The following PLCE1 variants were observed in gnomAD, a reference collection of about 807,000 sequenced individuals.
The protein encoded by PLCE1 is 1-phosphatidylinositol 4,5-bisphosphate phosphodiesterase epsilon-1.
Under a neutral mutation model 242.8 loss-of-function variants are expected in PLCE1, and 119 were observed. The observed-to-expected ratio is 0.49, with a 90% CI of 0.42 to 0.57. The LOEUF (loss-of-function observed/expected upper bound fraction) is 0.57. Ranked by LOEUF, PLCE1 falls within the 20% of genes least tolerant of loss-of-function variation. PLCE1 has a pLI of 0.00. For missense variants in PLCE1, 2,441 were observed against 2,788.8 expected, an observed-to-expected ratio of 0.88 and a Z score of 2.81; for synonymous variants, 945 against 1,017.4, an observed-to-expected ratio of 0.93 and a Z score of 1.35.
At chr10:94,119,676 G>A (rs961447506) in intron 2 of PLCE1, among the ~76,000 whole-genome samples, 4 of 152,074 alleles carry the variant, frequency 2.6e-5, no homozygotes, top group African/African-American at 4.8e-5. Context: ...CCTCCTCTGT[G>A]TATCTGAAAC....
chr10:94,311,573 C>T (rs745892659), intron 27 of PLCE1, among the ~76,000 whole-genome samples: 1 of 152,210 alleles, frequency 6.6e-6, no homozygotes, highest in Non-Finnish European at 1.5e-5. Flanking sequence ...AACTGTAGAT[C>T]ATCCTGGCCT....
At chr10:94,219,385 C>T (rs916824879) in intron 4 of PLCE1, among the ~76,000 whole-genome samples, 8 of 152,164 alleles carry the variant, frequency 5.3e-5, no homozygotes, top group African/African-American at 1.7e-4. Context: ...AATCTATCTT[C>T]ATCTTTTCTT....
intron 7 of PLCE1, among the ~76,000 whole-genome samples, chr10:94,236,781 A>G (rs1447860537): frequency 2.0e-5 from 3 of 152,236 alleles, no homozygotes; most frequent in African/African-American, 7.2e-5. Flanking sequence ...CAATCTATAT[A>G]TAGAGAGAAG....
At chr10:94,228,432 C>T (rs894153035) in intron 5 of PLCE1, among the ~76,000 whole-genome samples, 2 of 152,152 alleles carry the variant, frequency 1.3e-5, no homozygotes, top group African/African-American at 2.4e-5. Context: ...GGGGATAATA[C>T]TAAAAAGCAC....
chr10:94,285,304 A>G (rs2052399573), intron 22 of PLCE1, among the ~76,000 whole-genome samples: 1 of 152,314 alleles, frequency 6.6e-6, no homozygotes, highest in South Asian at 2.1e-4. Context: ...TACCGTTCAT[A>G]ATGATTCTAC....
chr10:94,284,283 A>C (rs1174541578), intron 21 of PLCE1, among the ~76,000 whole-genome samples: 1 of 152,222 alleles, frequency 6.6e-6, no homozygotes, highest in Non-Finnish European at 1.5e-5. Context: ...CAGAAGGAAG[A>C]TTTGGCTAAA....
intron 4 of PLCE1, among the ~76,000 whole-genome samples, chr10:94,214,484 T>A (rs2049451131): frequency 6.6e-6 from 1 of 152,172 alleles, no homozygotes; most frequent in South Asian, 2.1e-4. Flanking sequence ...TTAATTATCT[T>A]CTTCTTAATG....
At chr10:93,999,663 G>A (rs1466010150) in intron 1 of PLCE1, among the ~76,000 whole-genome samples, 1 of 152,198 alleles carries the variant, frequency 6.6e-6, no homozygotes, top group Non-Finnish European at 1.5e-5. Context: ...AGCAGTTCCT[G>A]GGCTGGCCTC....
rs563483214 is a variant in PLCE1 at position 94,221,459 on chromosome 10, G to A, written c.1810-5847G>A. Among the ~76,000 whole-genome samples the A allele has an allele frequency of 7.9e-5, 12 of 152,324 alleles. No homozygotes were observed. In the East Asian group the frequency reaches 9.7e-4, roughly 12 times the overall value. On this transcript the variant is annotated intron_variant, in intron 4 of 32. Coordinates refer to ENST00000371380, the MANE Select transcript of PLCE1 (RefSeq NM_016341.4). Reference sequence around the variant, plus strand: ...ACTTGAAAGTAGCTTTGTCATAGCCGGGTTCAGTGGCTCACGCCTGGAATC... The same window carrying A: ...ACTTGAAAGTAGCTTTGTCATAGCCAGGTTCAGTGGCTCACGCCTGGAATC...
chr10:94,053,195 A>C (rs560137695), intron 2 of PLCE1, among the ~76,000 whole-genome samples: 3 of 152,278 alleles, frequency 2.0e-5, no homozygotes, highest in East Asian at 1.9e-4. Flanking sequence ...AATTTACTTA[A>C]TCTCCCTAAG....
chr10:94,254,145 G>A (rs1323795361), intron 9 of PLCE1, 45 bp from the exon 10 acceptor site: 6 of 1,373,022 alleles, frequency 4.4e-6, no homozygotes, highest in South Asian at 1.2e-5. Flanking sequence ...GCAGTGATGG[G>A]AGAGAAATAC....
At chr10:94,115,521 T>C (rs537948125) in intron 2 of PLCE1, among the ~76,000 whole-genome samples, 15 of 152,372 alleles carry the variant, frequency 9.8e-5, no homozygotes, top group African/African-American at 3.6e-4. Flanking sequence ...TGGCCAGTGA[T>C]GATCAGCATT....
intron 14 of PLCE1, 85 bp from the exon 15 acceptor site, chr10:94,265,562 C>T: frequency 2.6e-6 from 3 of 1,152,602 alleles, no homozygotes; most frequent in East Asian, 4.7e-5. Flanking sequence ...GAAAACAGAA[C>T]AGCTTTAAAA....
intron 11 of PLCE1, among the ~76,000 whole-genome samples, chr10:94,257,292 T>C (rs7083628): frequency 0.27 from 41,401 of 151,214 alleles, 5,767 homozygotes; most frequent in Middle Eastern, 0.37. Flanking sequence ...TAAAATAGAC[T>C]TCATGATATT....
intron 4 of PLCE1, among the ~76,000 whole-genome samples, chr10:94,187,100 C>T (rs1350557350): frequency 6.7e-6 from 1 of 149,168 alleles, no homozygotes; most frequent in Non-Finnish European, 1.5e-5. Context: ...CAGAATTTGC[C>T]CAATATCACA....
chr10:94,126,428 A>G (rs988219421), intron 2 of PLCE1, among the ~76,000 whole-genome samples: 2 of 152,192 alleles, frequency 1.3e-5, no homozygotes, highest in Admixed American at 6.5e-5. Flanking sequence ...ACAATTTTTT[A>G]CTAATTTATT....
At chr10:94,015,120 C>T (rs1329021364) in intron 1 of PLCE1, among the ~76,000 whole-genome samples, 1 of 152,294 alleles carries the variant, frequency 6.6e-6, no homozygotes, top group Middle Eastern at 3.4e-3. Flanking sequence ...CATACCTCAC[C>T]GCAGTTCCTG....
intron 2 of PLCE1, among the ~76,000 whole-genome samples, chr10:94,073,039 C>A (rs1270539464): frequency 1.3e-5 from 2 of 151,968 alleles, no homozygotes; most frequent in Non-Finnish European, 2.9e-5. Flanking sequence ...CCCTCTCTGC[C>A]CCCCACTTCC....
chr10:94,156,224 G>A (rs772011975), intron 3 of PLCE1, among the ~76,000 whole-genome samples: 12 of 152,126 alleles, frequency 7.9e-5, no homozygotes, highest in South Asian at 2.1e-4. Flanking sequence ...CCAACTGGGC[G>A]TCTTATAACA....
Sources: allele counts gnomAD v4.1 joint callset (sites outside exome capture counted in the v4.1 genomes callset), GRCh38; gene constraint gnomAD v4.1.1; transcripts MANE v1.5; gene names NCBI Gene and HGNC (gene_info 2026-07-23, HGNC 2026-07-21).